Variants in DYM observed in about 807,000 individuals in gnomAD.
DYM encodes the protein dymeclin.
A neutral mutation model predicts 93.1 loss-of-function variants in DYM; 78 were observed. That is an observed-to-expected ratio of 0.84 (90% confidence interval 0.70 to 1.01). The LOEUF (loss-of-function observed/expected upper bound fraction) is 1.01, where lower values mean the gene tolerates loss of function less well. Among genes scored for constraint, DYM ranks in the 50% least tolerant of loss-of-function variants. The probability of loss-of-function intolerance (pLI) is 0.00; values close to 1 mark genes in which losing one functional copy is unlikely to be tolerated. For synonymous variants in DYM, 321 were observed against 319.7 expected, an observed-to-expected ratio of 1.00 and a Z score of -0.04; for missense variants, 789 against 845.0, an observed-to-expected ratio of 0.93 and a Z score of 0.82.
intron 15 of DYM, among the ~76,000 whole-genome samples, chr18:49,119,187 G>C (rs1236087451): frequency 2.0e-5 from 3 of 152,176 alleles, no homozygotes; most frequent in Non-Finnish European, 2.9e-5. Context: ...CCAATCTAGA[G>C]GGAAATTTGG....
chr18:49,352,007 A>AGT (rs1472290423), intron 6 of DYM, among the ~76,000 whole-genome samples: 1 of 152,246 alleles, frequency 6.6e-6, no homozygotes, highest in Non-Finnish European at 1.5e-5. Flanking sequence ...CCAAGACTAC[A>AGT]CGTAGAACTT....
At chr18:49,402,422 G>A (rs948608036) in intron 2 of DYM, among the ~76,000 whole-genome samples, 6 of 152,026 alleles carry the variant, frequency 3.9e-5, no homozygotes, top group African/African-American at 1.4e-4. Flanking sequence ...TTTTAGGGGG[G>A]AAGAAAAAGA....
intron 14 of DYM, among the ~76,000 whole-genome samples, chr18:49,189,528 C>G (rs2145650849): frequency 6.6e-6 from 1 of 152,148 alleles, no homozygotes; most frequent in East Asian, 1.9e-4. Context: ...GACCCAAGCC[C>G]AGAAATGACC....
At chr18:49,203,894 A>C (rs1336817527) in intron 14 of DYM, among the ~76,000 whole-genome samples, 1 of 141,246 alleles carries the variant, frequency 7.1e-6, no homozygotes, top group African/African-American at 2.6e-5. Context: ...AAAAAAAAAA[A>C]AAAACAACTC....
intron 2 of DYM, among the ~76,000 whole-genome samples, chr18:49,408,873 A>G (rs138718096): frequency 1.6e-3 from 251 of 152,240 alleles, no homozygotes; most frequent in African/African-American, 5.6e-3. Context: ...TATAACCTCT[A>G]TGGACTTAAA....
At chr18:49,453,421 T>C (rs1419231562) in intron 1 of DYM, among the ~76,000 whole-genome samples, 1 of 152,204 alleles carries the variant, frequency 6.6e-6, no homozygotes, top group Non-Finnish European at 1.5e-5. Context: ...GGGTCCACAC[T>C]GCCTTTATGA....
At chr18:49,243,602 T>C (rs940571253) in intron 13 of DYM, among the ~76,000 whole-genome samples, 2 of 149,904 alleles carry the variant, frequency 1.3e-5, no homozygotes, top group Admixed American at 1.3e-4. Flanking sequence ...GAGGTGGAGG[T>C]TGCAGTGAGC....
chr18:49,048,876 A>G (rs2072000501), intron 17 of DYM, among the ~76,000 whole-genome samples: 1 of 152,220 alleles, frequency 6.6e-6, no homozygotes, highest in African/African-American at 2.4e-5. Context: ...TGTTGAAACA[A>G]TAACTCATCT....
At chr18:49,252,042 C>A (rs977939134) in intron 13 of DYM, among the ~76,000 whole-genome samples, 3 of 151,230 alleles carry the variant, frequency 2.0e-5, no homozygotes, top group Admixed American at 6.6e-5. Context: ...GTTGAAACCC[C>A]ATCTCTAGTA....
rs371398375 is a variant in DYM at position 49,272,245 on chromosome 18, T to G, written c.1184A>C (p.Tyr395Ser). 2.5e-6 allele frequency: 4 copies of G among 1,598,112 alleles called. No homozygotes were observed. The highest frequency in any genetic ancestry group is 3.4e-6 in the Non-Finnish European group (4 of 1,165,846). The change falls in exon 11 of 18, where the codon TAT (tyrosine) becomes TCT (serine). Residue 395 changes from tyrosine (Y) to serine (S), a missense_variant. Physicochemically the swap from Tyr to Ser is moderately radical, Grantham distance 144 (BLOSUM62 -2). Around this residue, in one of 3 missense-constraint regions of DYM, gnomAD observed 225 missense variants for 303.0 expected, o/e 0.74. Coordinates refer to ENST00000675505, the MANE Select transcript of DYM (RefSeq NM_001353214.3). Reference sequence around the variant, plus strand: ...GATCAACAATATTATAAGGGCCATATACACATGGTGTGAATTCCTTTCTTC... The same window carrying G: ...GATCAACAATATTATAAGGGCCATAGACACATGGTGTGAATTCCTTTCTTC... ...HVEERNSHHV[Y>S]MALIILLILT...
At chr18:49,202,019 T>G (rs1003469781) in intron 14 of DYM, among the ~76,000 whole-genome samples, 5 of 152,172 alleles carry the variant, frequency 3.3e-5, no homozygotes, top group African/African-American at 9.7e-5. Flanking sequence ...GCAGAGACTG[T>G]TAGTTGTCCC....
rs530589957 is a variant in DYM at position 49,407,164 on chromosome 18, C to T, written c.141-15519G>A. ...GAAATAAAACTACAGAAATAGAAAA[C>T]TAATTAGTGGCTGCCAGGAATTAGG... On this transcript the variant is annotated intron_variant, in intron 2 of 17. Transcript: ENST00000675505. Among the ~76,000 whole-genome samples the T allele has an allele frequency of 3.3e-5, 5 of 152,178 alleles. No individual in the cohort carries two copies. The South Asian group carries it at 1.0e-3, about 32-fold the overall frequency.
intron 14 of DYM, among the ~76,000 whole-genome samples, chr18:49,206,993 T>A (rs2092549887): frequency 6.6e-6 from 1 of 152,222 alleles, no homozygotes; most frequent in African/African-American, 2.4e-5. Flanking sequence ...GGCTCAGGAA[T>A]TGGACACTGC....
intron 1 of DYM, among the ~76,000 whole-genome samples, chr18:49,437,896 T>C (rs564291227): frequency 1.3e-5 from 2 of 152,356 alleles, no homozygotes; most frequent in Admixed American, 6.5e-5. Flanking sequence ...GAGGCTAGGA[T>C]AGACCACAAA....
chr18:49,357,609 A>G (rs1053593892), intron 6 of DYM, among the ~76,000 whole-genome samples: 1 of 152,212 alleles, frequency 6.6e-6, no homozygotes, highest in African/African-American at 2.4e-5. Flanking sequence ...TATAGACTAG[A>G]TGCTGAGAAA....
chr18:49,258,039 C>A (rs981589202), intron 12 of DYM, among the ~76,000 whole-genome samples: 1 of 151,974 alleles, frequency 6.6e-6, no homozygotes, highest in African/African-American at 2.4e-5. Context: ...CATTTTAATT[C>A]ATATTTTCTT....
intron 16 of DYM, among the ~76,000 whole-genome samples, chr18:49,105,446 C>T (rs1568428423): frequency 6.6e-6 from 1 of 152,152 alleles, no homozygotes; most frequent in Non-Finnish European, 1.5e-5. Context: ...TTGCCTTCTG[C>T]TAGCTTTTGA....
intron 14 of DYM, among the ~76,000 whole-genome samples, chr18:49,204,112 T>C (rs1034900693): frequency 3.3e-5 from 5 of 152,058 alleles, no homozygotes; most frequent in Non-Finnish European, 5.9e-5. Flanking sequence ...GAAGAGAGGG[T>C]CTATAATTTT....
chr18:49,391,726 A>G (rs1022038120), intron 2 of DYM, 81 bp from the exon 3 acceptor site: 26 of 1,233,912 alleles, frequency 2.1e-5, no homozygotes, highest in Non-Finnish European at 2.7e-5. Flanking sequence ...AAATATATAA[A>G]GATAAGAAAA....
Sources: allele counts gnomAD v4.1 joint callset (sites outside exome capture counted in the v4.1 genomes callset), GRCh38; gene constraint gnomAD v4.1.1; regional missense constraint gnomAD v4.1.1; transcripts MANE v1.5; gene names NCBI Gene and HGNC (gene_info 2026-07-23, HGNC 2026-07-21).